HECW2: variants seen among roughly 807,000 people sequenced by gnomAD.
The protein encoded by HECW2 is E3 ubiquitin-protein ligase HECW2.
HECW2 carries 61 observed loss-of-function variants against 175.2 expected under a neutral mutation model. That is an observed-to-expected ratio of 0.35 (90% CI 0.28 to 0.43). The LOEUF (loss-of-function observed/expected upper bound fraction) is 0.43, where lower values mean the gene tolerates loss of function less well. Ranked by LOEUF, HECW2 falls within the 20% of genes least tolerant of loss-of-function variation. The pLI is 1.00. For missense variants in HECW2, 1,524 were observed against 2,000.5 expected, an observed-to-expected ratio of 0.76 and a Z score of 4.54; for synonymous variants, 671 against 731.0, an observed-to-expected ratio of 0.92 and a Z score of 1.32.
At chr2:196,366,953 T>A (rs1481097510) in intron 2 of HECW2, among the ~76,000 whole-genome samples, 1 of 152,210 alleles carries the variant, frequency 6.6e-6, no homozygotes, top group African/African-American at 2.4e-5. Flanking sequence ...AAGATGAAAC[T>A]AGTAGAGAAA....
At chr2:196,579,546 T>C (rs1037690887) in intron 1 of HECW2, among the ~76,000 whole-genome samples, 1 of 152,122 alleles carries the variant, frequency 6.6e-6, no homozygotes, top group Non-Finnish European at 1.5e-5. Context: ...GAGATAAAAA[T>C]AGAATAAAAA....
chr2:196,506,367 T>C (rs1687761183), intron 1 of HECW2, among the ~76,000 whole-genome samples: 1 of 152,326 alleles, frequency 6.6e-6, no homozygotes, highest in Non-Finnish European at 1.5e-5. Flanking sequence ...TCAATAGTTC[T>C]GGAAACTGCA....
chr2:196,268,229 G>GAGTGGT (rs939112801), intron 17 of HECW2, among the ~76,000 whole-genome samples: 26 of 152,200 alleles, frequency 1.7e-4, no homozygotes, highest in Admixed American at 1.0e-3. Context: ...TGGATAGGAG[G>GAGTGGT]AGTGGTATTA....
rs1236487595 is a variant in HECW2 at position 196,402,238 on chromosome 2, G to A, written c.292+30894C>T. Reference sequence around the variant, plus strand: ...AAAAAAAAAAAAAAGAGGGAAACTTGCCATAATAAGTTACTAAAGGAAAAA... The same window carrying A: ...AAAAAAAAAAAAAAGAGGGAAACTTACCATAATAAGTTACTAAAGGAAAAA... On this transcript the variant is annotated intron_variant, in intron 2 of 28. Transcript: ENST00000644978. Among the ~76,000 whole-genome samples the A allele has an allele frequency of 5.6e-5, 8 of 143,222 alleles. No homozygotes were observed. In the South Asian group the frequency reaches 1.8e-3, roughly 32 times the overall value. 94.0% of individuals were successfully genotyped at this position (143,222 alleles called of 152,430 possible).
intron 1 of HECW2, among the ~76,000 whole-genome samples, chr2:196,519,872 G>A (rs1471936917): frequency 6.6e-6 from 1 of 152,144 alleles, no homozygotes; most frequent in Non-Finnish European, 1.5e-5. Context: ...GTAATCAACT[G>A]ACTAACTCAA....
chr2:196,444,255 T>A (rs1049828852), intron 1 of HECW2, among the ~76,000 whole-genome samples: 1 of 148,984 alleles, frequency 6.7e-6, no homozygotes, highest in Non-Finnish European at 1.5e-5. Flanking sequence ...GAATTCCACA[T>A]TACTTTGTGG....
At chr2:196,290,768 A>C (rs962490522) in intron 14 of HECW2, 1 of 152,192 alleles carries the variant, frequency 6.6e-6, no homozygotes, top group African/African-American at 2.4e-5. Context: ...AGTACCAGCA[A>C]AGCCATATCT....
At chr2:196,561,578 T>C (rs1454009575) in intron 1 of HECW2, among the ~76,000 whole-genome samples, 1 of 152,222 alleles carries the variant, frequency 6.6e-6, no homozygotes, top group Non-Finnish European at 1.5e-5. Context: ...TCATGGAACC[T>C]GCTGACATGT....
At chr2:196,430,463 A>G (rs1465183022) in intron 2 of HECW2, among the ~76,000 whole-genome samples, 1 of 152,184 alleles carries the variant, frequency 6.6e-6, no homozygotes, top group African/African-American at 2.4e-5. Flanking sequence ...TGATCATGAG[A>G]TGGCCTAGAT....
At chr2:196,358,156 T>C (rs1002355620) in intron 2 of HECW2, among the ~76,000 whole-genome samples, 1 of 152,174 alleles carries the variant, frequency 6.6e-6, no homozygotes, top group Admixed American at 6.5e-5. Flanking sequence ...GAAAACTGCA[T>C]AGACTCCATT....
intron 2 of HECW2, among the ~76,000 whole-genome samples, chr2:196,356,988 C>T (rs1257069493): frequency 1.3e-5 from 2 of 152,168 alleles, no homozygotes; most frequent in African/African-American, 4.8e-5. Flanking sequence ...TGCTCCTCAA[C>T]ACTACACCTT....
chr2:196,268,724 G>A (rs1025653458), intron 17 of HECW2, among the ~76,000 whole-genome samples: 1 of 152,156 alleles, frequency 6.6e-6, no homozygotes, highest in Non-Finnish European at 1.5e-5. Flanking sequence ...TACACTTAGA[G>A]GAACAGATAT....
chr2:196,574,201 G>A (rs944470356), intron 1 of HECW2, among the ~76,000 whole-genome samples: 3 of 152,070 alleles, frequency 2.0e-5, no homozygotes, highest in African/African-American at 7.2e-5. Context: ...AGGCTGAGGC[G>A]GGCAGATCAC....
At chr2:196,493,833 A>G (rs1687288832) in intron 1 of HECW2, among the ~76,000 whole-genome samples, 1 of 152,206 alleles carries the variant, frequency 6.6e-6, no homozygotes, top group African/African-American at 2.4e-5. Flanking sequence ...ATGCTATTGG[A>G]AACTGGCTTC....
chr2:196,580,395 A>C (rs1284433690), intron 1 of HECW2, among the ~76,000 whole-genome samples: 1 of 152,236 alleles, frequency 6.6e-6, no homozygotes, highest in Non-Finnish European at 1.5e-5. Context: ...GTGAAAAAAC[A>C]ATCTACAAAA....
At chr2:196,237,652 C>A (rs139263314) in intron 21 of HECW2, among the ~76,000 whole-genome samples, 1 of 152,106 alleles carries the variant, frequency 6.6e-6, no homozygotes, top group African/African-American at 2.4e-5. Flanking sequence ...CTTTTCTATT[C>A]TTCCCCATTT....
chr2:196,577,596 C>G (rs1469366640), intron 1 of HECW2, among the ~76,000 whole-genome samples: 1 of 152,084 alleles, frequency 6.6e-6, no homozygotes, highest in Non-Finnish European at 1.5e-5. Flanking sequence ...CAAGACATAC[C>G]TAAGAAGGCT....
chr2:196,456,430 CT>C (rs140373733), intron 1 of HECW2, among the ~76,000 whole-genome samples: 20,676 of 152,182 alleles, frequency 0.14, 1,941 homozygotes, highest in African/African-American at 0.27. Context: ...ACACTACTGG[CT>C]TCACATTGCC....
rs1189443478 is a variant in HECW2 at position 196,433,410 on chromosome 2, G to A, written c.14C>T (p.Ala5Val). The A allele has an allele frequency of 3.1e-6, 5 of 1,613,602 alleles. No homozygotes were observed. Among genetic ancestry groups the A allele is most frequent in the Middle Eastern group, 1.7e-4 (1 of 5,922 alleles). Residue 5 changes from alanine to valine, a missense_variant, in exon 2 of 29, where the codon GCC (alanine) becomes GTC (valine). By Grantham distance (64) the Ala-to-Val change is moderately conservative. This residue lies in a region of HECW2 where 135 missense variants were observed against 214.6 expected (regional missense o/e 0.63). Coordinates refer to ENST00000644978, the MANE Select transcript of HECW2 (RefSeq NM_001348768.2). The stretch of plus-strand genomic sequence containing the variant: ...CCTCACAAAAAGCAGGTGCTCCCGG[G>A]CTGAACTAGCCATCCCGTCTGCTTC... MASS[A>V]REHLLFVRRR... is the part of the protein sequence containing the mutation.
Sources: gnomAD v4.1 joint callset for allele counts (sites outside exome capture counted in the v4.1 genomes callset) on GRCh38, gnomAD v4.1.1 for gene constraint, gnomAD v4.1.1 regional missense constraint, MANE v1.5 for transcripts, NCBI Gene and HGNC (gene_info 2026-07-23, HGNC 2026-07-21) for gene names.